The following MELK variants were observed in gnomAD, a reference collection of about 807,000 sequenced individuals.
MELK encodes pEg3 kinase.
Under a neutral mutation model 85.0 loss-of-function variants are expected in MELK, and 81 were observed. The ratio of observed to expected loss-of-function variants is 0.95; its 90% CI spans 0.80 to 1.15. The LOEUF is 1.15. Among genes scored for constraint, MELK ranks in the 50% most tolerant of loss-of-function variants. MELK has a pLI of 0.00. For synonymous variants in MELK, 252 were observed against 265.0 expected (o/e 0.95, Z 0.48); for missense variants, 754 against 777.5 (o/e 0.97, Z 0.36).
intron 1 of MELK, among the ~76,000 whole-genome samples, chr9:36,579,895 G>A (rs1024236263): frequency 6.6e-6 from 1 of 151,978 alleles, no homozygotes; most frequent in Non-Finnish European, 1.5e-5. Context: ...TTTATTATTT[G>A]ATGTATAATT....
intron 8 of MELK, among the ~76,000 whole-genome samples, chr9:36,629,055 C>G (rs974224300): frequency 2.6e-5 from 4 of 151,608 alleles, no homozygotes; most frequent in African/African-American, 9.7e-5. Context: ...TTAGTAGAAA[C>G]AAGGTTTCCC....
intron 16 of MELK, among the ~76,000 whole-genome samples, chr9:36,674,189 A>G (rs1194122885): frequency 2.0e-5 from 3 of 152,236 alleles, no homozygotes; most frequent in Admixed American, 1.3e-4. Flanking sequence ...AACAGTGCCT[A>G]CCACATAGTA....
chr9:36,621,291 A>ACTTG, intron 8 of MELK, among the ~76,000 whole-genome samples: 1 of 102,372 alleles, frequency 9.8e-6, no homozygotes, highest in Non-Finnish European at 1.9e-5. Flanking sequence ...AAAAAAAAAA[A>ACTTG]AAAAAAAAAA....
intron 3 of MELK, among the ~76,000 whole-genome samples, chr9:36,585,383 T>G (rs1200278358): frequency 6.9e-6 from 1 of 144,006 alleles, no homozygotes; most frequent in Non-Finnish European, 1.5e-5. Context: ...CTCGGCTCAC[T>G]GCGACCTCTG....
At chr9:36,595,318 A>G (rs2135466522) in intron 5 of MELK, among the ~76,000 whole-genome samples, 1 of 151,930 alleles carries the variant, frequency 6.6e-6, no homozygotes. Flanking sequence ...TGTATTTTTT[A>G]GTAGAAACAG....
rs182041978 is a variant in MELK, at chr9:36,630,840, G to A, written c.735+473G>A. ...GGCTAATTTTTGTATTTTTAGTAGA[G>A]ACAGAGTTTTCCCATGTTGGCCAGG... On this transcript the variant is annotated intron_variant, in intron 9 of 17. Coordinates refer to ENST00000298048, the MANE Select transcript of MELK (RefSeq NM_014791.4). Among the ~76,000 whole-genome samples, 6 of 152,214 alleles carry A rather than the reference G, an allele frequency of 3.9e-5. No homozygotes were observed. The East Asian group carries it at 1.2e-3, about 29-fold the overall frequency.
At chr9:36,625,444 AT>A (rs1482604149) in intron 8 of MELK, among the ~76,000 whole-genome samples, 1 of 152,154 alleles carries the variant, frequency 6.6e-6, no homozygotes, top group Non-Finnish European at 1.5e-5. Context: ...AGGGCCAGTC[AT>A]GCAGCAACTG....
At chr9:36,581,505 C>A in intron 1 of MELK, 139 bp from the exon 2 acceptor site, 1 of 507,492 alleles carries the variant, frequency 2.0e-6, no homozygotes, top group East Asian at 3.4e-5. Flanking sequence ...AGATAAGAAT[C>A]CTTTTTTTCA....
Position 36,630,317 on chromosome 9 carries a change from C to T in MELK, c.685C>T (p.Pro229Ser). 6.2e-7 allele frequency: 1 copy of T among 1,611,266 alleles called. No individual in the cohort carries two copies. Among genetic ancestry groups the T allele is most frequent in the Non-Finnish European group, 8.5e-7 (1 of 1,178,184 alleles). ...TTTGTAGAGAGGAAAATATGATGTT[C>T]CCAAGTGGCTCTCTCCCAGTAGCAT... ...KKIMRGKYDV[P>S]KWLSPSSILL... Residue 229 changes from proline to serine, a missense_variant, in exon 9 of 18, where the codon CCC becomes TCC. Physicochemically the swap from Pro to Ser is moderately conservative, Grantham distance 74. Transcript: ENST00000298048.
intron 5 of MELK, among the ~76,000 whole-genome samples, chr9:36,596,682 G>T (rs962637884): frequency 2.0e-5 from 3 of 149,136 alleles, no homozygotes; most frequent in Admixed American, 2.0e-4. Context: ...CGCCTCCCGG[G>T]CTCAAGCAGT....
chr9:36,606,522 GTATATAA>G lies in MELK; in HGVS notation c.568-1039_568-1033del, dbSNP rs1378198853. 1.1e-4 allele frequency among the ~76,000 whole-genome samples: 14 copies of G among 123,492 alleles called. 1 individual carries two copies. The highest frequency in any genetic ancestry group is 6.6e-4 in the Admixed American group (8 of 12,064). 81.0% of individuals were successfully genotyped at this position (123,492 alleles called of 152,430 possible). A position where few individuals can be genotyped will look rare whatever the true frequency, so the allele number is the denominator to read the frequency against. ...ATAATAAATACATATGTATAGGTGT[GTATATAA>G]TATATAATATATACATATGTATAGG... On this transcript the variant is annotated intron_variant, in intron 7 of 17. Transcript: ENST00000298048.
At chr9:36,599,300 CAAAAAAAAAAA>C (rs34715003) in intron 6 of MELK, 83 bp from the exon 7 acceptor site, 136 of 379,194 alleles carry the variant, frequency 3.6e-4, no homozygotes, top group Middle Eastern at 6.1e-4. Flanking sequence ...GACTCCGTCT[CAAAAAAAAAAA>C]AAAAAAAAAA....
chr9:36,573,368 T>G (rs1022648908), intron 1 of MELK, among the ~76,000 whole-genome samples: 1 of 152,220 alleles, frequency 6.6e-6, no homozygotes, highest in African/African-American at 2.4e-5. Context: ...GAGTTTTTTC[T>G]GTTTGTACAA....
At chr9:36,583,104 G>C (rs1423881922) in intron 2 of MELK, among the ~76,000 whole-genome samples, 1 of 151,692 alleles carries the variant, frequency 6.6e-6, no homozygotes, top group Non-Finnish European at 1.5e-5. Flanking sequence ...CTCCCGAGTA[G>C]CTGGGACTAC....
intron 1 of MELK, among the ~76,000 whole-genome samples, chr9:36,575,903 C>T (rs1385848201): frequency 1.3e-5 from 2 of 152,136 alleles, no homozygotes; most frequent in African/African-American, 4.8e-5. Context: ...CTCCTGCTCT[C>T]TTTTTTCTTC....
chr9:36,628,424 G>A (rs890445480), intron 8 of MELK, among the ~76,000 whole-genome samples: 1 of 151,840 alleles, frequency 6.6e-6, no homozygotes, highest in Non-Finnish European at 1.5e-5. Context: ...CTTTGTTAAT[G>A]AATTTTTTTT....
In MELK at chr9:36,633,748, CTT is replaced by C. The variant is rs145766204; in HGVS notation, c.834+550_834+551del. Among the ~76,000 whole-genome samples, 854 of 152,244 alleles carry C rather than the reference CTT, an allele frequency of 5.6e-3. 3 individuals carry two copies. The highest frequency in any genetic ancestry group is 9.8e-3 in the Non-Finnish European group (664 of 68,016). On this transcript the variant is annotated intron_variant, in intron 10 of 17. Coordinates refer to ENST00000298048, the MANE Select transcript of MELK (RefSeq NM_014791.4). ...CAAAAAGAATGACATTGTTTTACAA[CTT>C]TGCAAATTTCTTTAAAGTCTGGCTT...
chr9:36,650,370 C>G (rs1830597928), intron 11 of MELK, among the ~76,000 whole-genome samples: 1 of 152,036 alleles, frequency 6.6e-6, no homozygotes, highest in South Asian at 2.1e-4. Flanking sequence ...TAGATGAAAA[C>G]AGATTCACAC....
chr9:36,668,046 G>A (rs1832549812), intron 14 of MELK, among the ~76,000 whole-genome samples: 1 of 151,968 alleles, frequency 6.6e-6, no homozygotes, highest in Non-Finnish European at 1.5e-5. Flanking sequence ...CTGGGATTAC[G>A]GGGGTGAGCC....
Sources: gnomAD v4.1 joint callset for allele counts (sites outside exome capture counted in the v4.1 genomes callset) on GRCh38, gnomAD v4.1.1 for gene constraint, MANE v1.5 for transcripts, NCBI Gene and HGNC (gene_info 2026-07-23, HGNC 2026-07-21) for gene names.